The following RGS3 variants were observed in gnomAD, a reference collection of about 807,000 sequenced individuals.
The protein encoded by RGS3 is regulator of G-protein signalling 3.
In RGS3, 80 loss-of-function variants were observed where a neutral mutation model predicts 132.6. The observed-to-expected ratio is 0.60, with a 90% CI of 0.50 to 0.73. RGS3 has a LOEUF of 0.73. Ranked by LOEUF, RGS3 falls within the 30% of genes least tolerant of loss-of-function variation. The probability of loss-of-function intolerance (pLI) is 0.00; values close to 1 mark genes in which losing one functional copy is unlikely to be tolerated. For missense variants in RGS3, 1,382 were observed against 1,530.8 expected (o/e 0.90, Z 1.62); for synonymous variants, 598 against 620.6 (o/e 0.96, Z 0.54).
At chr9:113,467,041 A>G (rs942861141) in intron 3 of RGS3, among the ~76,000 whole-genome samples, 1 of 151,782 alleles carries the variant, frequency 6.6e-6, no homozygotes, top group Non-Finnish European at 1.5e-5. Context: ...GTTGTAGCAG[A>G]TATCATACTC....
intron 10 of RGS3, chr9:113,503,343 CA>C (rs1830987322): frequency 6.6e-6 from 1 of 152,356 alleles, no homozygotes; most frequent in Admixed American, 6.5e-5. Flanking sequence ...GTTCTTTGGA[CA>C]CTACCCTCTC....
At chr9:113,482,091 A>T (rs1346048122) in intron 4 of RGS3, among the ~76,000 whole-genome samples, 1 of 151,962 alleles carries the variant, frequency 6.6e-6, no homozygotes, top group African/African-American at 2.4e-5. Context: ...CAAACAAAAA[A>T]ATCCAGACGT....
chr9:113,572,673 A>G (rs753532073), intron 19 of RGS3, among the ~76,000 whole-genome samples: 11 of 152,220 alleles, frequency 7.2e-5, no homozygotes, highest in Non-Finnish European at 1.3e-4. Context: ...TGCCCCCACA[A>G]GGAGACCTGG....
At chr9:113,528,658 C>T (rs1832328243) in intron 17 of RGS3, among the ~76,000 whole-genome samples, 1 of 152,146 alleles carries the variant, frequency 6.6e-6, no homozygotes, top group Non-Finnish European at 1.5e-5. Flanking sequence ...AACTGGGATC[C>T]TGGACTAGGG....
chr9:113,585,757 A>G (rs1835087075), intron 20 of RGS3, among the ~76,000 whole-genome samples: 1 of 152,216 alleles, frequency 6.6e-6, no homozygotes, highest in African/African-American at 2.4e-5. Context: ...GGATTCCAGC[A>G]TACTTCCTCA....
intron 14 of RGS3, among the ~76,000 whole-genome samples, chr9:113,514,040 A>C (rs1220091971): frequency 1.3e-5 from 2 of 152,148 alleles, no homozygotes; most frequent in East Asian, 1.9e-4. Flanking sequence ...CTCTGCTCCA[A>C]CTGATTGTTC....
At chr9:113,548,701 G>A (rs989051862) in intron 19 of RGS3, among the ~76,000 whole-genome samples, 6 of 152,152 alleles carry the variant, frequency 3.9e-5, no homozygotes, top group African/African-American at 9.7e-5. Context: ...AGGCGAGGAG[G>A]CCCTGGAGGC....
intron 19 of RGS3, chr9:113,541,574 T>C: frequency 7.2e-7 from 1 of 1,391,788 alleles, no homozygotes. Flanking sequence ...GTCCCAAGGG[T>C]GCATGTGGAT....
At chr9:113,495,706 A>G in intron 7 of RGS3, 80 bp from the exon 6 acceptor site, 1 of 1,156,490 alleles carries the variant, frequency 8.6e-7, no homozygotes, top group Non-Finnish European at 1.3e-6. Context: ...CATCAGGCAA[A>G]CCCATGCTAT....
intron 19 of RGS3, among the ~76,000 whole-genome samples, chr9:113,563,603 G>A (rs1261419165): frequency 6.6e-6 from 1 of 152,156 alleles, no homozygotes; most frequent in African/African-American, 2.4e-5. Flanking sequence ...TGCTTTTCAG[G>A]AGCCAGCAGG....
rs913382784 is a variant in RGS3 at position 113,484,016 on chromosome 9, C to T, written c.526-122C>T. Reference sequence around the variant, plus strand: ...ATCTGACAGGGGACTCTATTCTGTCCTCTGCAGAGGCTGACTTGAAGGACC... The same window carrying T: ...ATCTGACAGGGGACTCTATTCTGTCTTCTGCAGAGGCTGACTTGAAGGACC... On this transcript the variant is annotated intron_variant, in intron 5 of 24. Coordinates refer to ENST00000350696, the Ensembl canonical transcript of RGS3. 6 of 628,272 alleles carry T rather than the reference C, an allele frequency of 9.6e-6. No homozygotes were observed. The African/African-American group carries it at 1.1e-4, about 11-fold the overall frequency. 38.9% of individuals were successfully genotyped at this position (628,272 alleles called of 1,614,324 possible).
At chr9:113,575,312 G>A (rs1299924647) in intron 19 of RGS3, among the ~76,000 whole-genome samples, 9 of 152,260 alleles carry the variant, frequency 5.9e-5, no homozygotes, top group Admixed American at 5.9e-4. Flanking sequence ...GTCCCTGCGC[G>A]GGGGTGAGCT....
intron 14 of RGS3, among the ~76,000 whole-genome samples, chr9:113,510,519 C>T (rs1298508831): frequency 6.6e-6 from 1 of 152,176 alleles, no homozygotes; most frequent in Non-Finnish European, 1.5e-5. Flanking sequence ...GCTTTGGAGT[C>T]TGGTCGTGGA....
At chr9:113,594,299 C>G in intron 21 of RGS3, 131 bp from the exon 20 acceptor site, 1 of 1,596,320 alleles carries the variant, frequency 6.3e-7, no homozygotes, top group Non-Finnish European at 8.5e-7. Context: ...ATGTACCTCA[C>G]TCGCAACGGG....
At chr9:113,595,758 G>A in exon 24 of RGS3, 1 of 1,613,894 alleles carries the variant, frequency 6.2e-7, no homozygotes, top group Non-Finnish European at 8.5e-7. Flanking sequence ...ATCCAGGCAT[G>A]CAAGGAGGTA....
At chr9:113,589,175 G>C (rs1436128024) in intron 20 of RGS3, 1 of 152,336 alleles carries the variant, frequency 6.6e-6, no homozygotes, top group Non-Finnish European at 1.5e-5. Flanking sequence ...AATCCCTTTG[G>C]AGGGCCTTTG....
chr9:113,502,017 C>T lies in RGS3; in HGVS notation c.898-3425C>T, dbSNP rs1363125964. The stretch of plus-strand genomic sequence containing the variant: ...AGCAGTGCCCATTCTGCCCCCTGTG[C>T]GTGTATGTTGGCACGTGCTCATATG... On this transcript the variant is annotated intron_variant, in intron 10 of 24. Transcript: ENST00000350696. Among the ~76,000 whole-genome samples, 6 of 152,288 alleles carry T rather than the reference C, an allele frequency of 3.9e-5. No individual in the cohort carries two copies. The South Asian group carries it at 1.0e-3, about 26-fold the overall frequency.
chr9:113,530,352 C>T (rs1049968013), intron 18 of RGS3, among the ~76,000 whole-genome samples: 11 of 152,260 alleles, frequency 7.2e-5, no homozygotes, highest in Admixed American at 5.9e-4. Flanking sequence ...ATTGCTGGGG[C>T]TCAGCTGGGG....
intron 19 of RGS3, among the ~76,000 whole-genome samples, chr9:113,549,966 T>G (rs185980614): frequency 1.3e-5 from 2 of 152,290 alleles, no homozygotes; most frequent in African/African-American, 2.4e-5. Context: ...ATTGCACCAC[T>G]GCACTCCAGC....
Sources: allele counts gnomAD v4.1 joint callset (sites outside exome capture counted in the v4.1 genomes callset), GRCh38; gene constraint gnomAD v4.1.1; transcripts MANE v1.5; gene names NCBI Gene and HGNC (gene_info 2026-07-23, HGNC 2026-07-21).